The following ZNG1B variants were observed in gnomAD, a reference collection of about 807,000 sequenced individuals.
ZNG1B encodes Zn regulated GTPase metalloprotein activator 1B.
At chr2:113,462,020 TACCA>T in the ZNG1B span, among the ~76,000 whole-genome samples, 2 of 152,226 alleles carry the variant, frequency 1.3e-5, no homozygotes, top group Non-Finnish European at 2.9e-5. Context: ...TTCTTCTTTT[TACCA>T]TATTGGATAT....
At chr2:113,444,818 T>C in the ZNG1B span, 1 of 1,108,352 alleles carries the variant, frequency 9.0e-7, no homozygotes. Context: ...GACGGACATT[T>C]TGTTAGAAGG....
At chr2:113,453,882 C>T in the ZNG1B span, among the ~76,000 whole-genome samples, 1 of 151,658 alleles carries the variant, frequency 6.6e-6, no homozygotes, top group Non-Finnish European at 1.5e-5. Flanking sequence ...TTTATTTTCT[C>T]TTGAAGATAA....
At chr2:113,443,761 T>C in the ZNG1B span, 94 of 1,613,370 alleles carry the variant, frequency 5.8e-5, no homozygotes, top group Middle Eastern at 1.7e-4. Flanking sequence ...TTGTTAATTA[T>C]TCTAGGAAGT....
At chr2:113,439,410 C>A in the ZNG1B span, among the ~76,000 whole-genome samples, 1 of 152,030 alleles carries the variant, frequency 6.6e-6, no homozygotes. Context: ...TCTGAAACTT[C>A]GTCTGTTACC....
the ZNG1B span, among the ~76,000 whole-genome samples, chr2:113,444,572 G>T: frequency 1.3e-5 from 2 of 151,932 alleles, no homozygotes; most frequent in South Asian, 4.2e-4. Context: ...ATGTAAAATA[G>T]AATTATATGG....
At chr2:113,472,841 C>A in the ZNG1B span, among the ~76,000 whole-genome samples, 3 of 151,748 alleles carry the variant, frequency 2.0e-5, no homozygotes, top group Admixed American at 1.3e-4. Flanking sequence ...TTCCATGAAT[C>A]TATATCTCTG....
At chr2:113,456,174 A>G in the ZNG1B span, among the ~76,000 whole-genome samples, 2 of 151,834 alleles carry the variant, frequency 1.3e-5, no homozygotes, top group Non-Finnish European at 2.9e-5. Context: ...AAAGTTTGGA[A>G]GAAAACTCCT....
chr2:113,483,757 T>C, the ZNG1B span, among the ~76,000 whole-genome samples: 1 of 151,968 alleles, frequency 6.6e-6, no homozygotes, highest in Admixed American at 6.6e-5. Flanking sequence ...TGTATTTTAA[T>C]AGGAAATTTC....
At chr2:113,481,085 ATTTT>A in the ZNG1B span, among the ~76,000 whole-genome samples, 34 of 124,806 alleles carry the variant, frequency 2.7e-4, no homozygotes, top group African/African-American at 6.4e-4. Flanking sequence ...TCGTTGTTAG[ATTTT>A]TTTTTTTTTT....
chr2:113,439,411 G>A, the ZNG1B span, among the ~76,000 whole-genome samples: 8 of 151,634 alleles, frequency 5.3e-5, no homozygotes, highest in African/African-American at 1.9e-4. Context: ...CTGAAACTTC[G>A]TCTGTTACCA....
the ZNG1B span, among the ~76,000 whole-genome samples, chr2:113,461,132 C>T: frequency 1.8e-4 from 27 of 150,416 alleles, 1 homozygote; most frequent in East Asian, 3.3e-3. Flanking sequence ...CTGCAACCTC[C>T]GCCTCCCAGG....
chr2:113,465,945 C>G, the ZNG1B span: 1 of 984,988 alleles, frequency 1.0e-6, no homozygotes, highest in South Asian at 4.7e-5. Context: ...GAGGTGCTGC[C>G]AGACTGCCAT....
At chr2:113,461,930 AC>A in the ZNG1B span, among the ~76,000 whole-genome samples, 5 of 151,122 alleles carry the variant, frequency 3.3e-5, no homozygotes, top group Admixed American at 2.6e-4. Flanking sequence ...CCTGTTTAAT[AC>A]AGTTTTTAGT....
At chr2:113,470,869 A>G in the ZNG1B span, 3 of 681,400 alleles carry the variant, frequency 4.4e-6, no homozygotes, top group East Asian at 2.8e-5. Context: ...TAATAACCAA[A>G]TAATTTTCAA....
At chr2:113,446,003 A>G in the ZNG1B span, among the ~76,000 whole-genome samples, 3 of 151,984 alleles carry the variant, frequency 2.0e-5, no homozygotes, top group African/African-American at 7.3e-5. Flanking sequence ...GTAGTATTGA[A>G]TTAGGCTATT....
At chr2:113,441,175 G>T in the ZNG1B span, among the ~76,000 whole-genome samples, 499 of 151,838 alleles carry the variant, frequency 3.3e-3, no homozygotes, top group African/African-American at 0.011. Context: ...TCTACATAAA[G>T]TATTTTGCAA....
At chr2:113,442,531 CCTG>C in the ZNG1B span, among the ~76,000 whole-genome samples, 1 of 152,130 alleles carries the variant, frequency 6.6e-6, no homozygotes, top group Non-Finnish European at 1.5e-5. Context: ...AGGCAAAAAT[CCTG>C]AGATTTCTAA....
chr2:113,471,953 A>G, the ZNG1B span, among the ~76,000 whole-genome samples: 7 of 151,928 alleles, frequency 4.6e-5, no homozygotes, highest in Non-Finnish European at 7.4e-5. Flanking sequence ...ATGTGTGCAT[A>G]TGTCTTTATA....
chr2:113,489,019 C>T, the ZNG1B span, among the ~76,000 whole-genome samples: 2 of 147,398 alleles, frequency 1.4e-5, no homozygotes, highest in East Asian at 2.1e-4. Flanking sequence ...CAAAGAACAT[C>T]TGGGAAATTC....
Sources: allele counts gnomAD v4.1 joint callset (sites outside exome capture counted in the v4.1 genomes callset), GRCh38; gene constraint gnomAD v4.1.1; transcripts MANE v1.5; gene names NCBI Gene and HGNC (gene_info 2026-07-23, HGNC 2026-07-21).